The following PALMD variants were observed in gnomAD, a reference collection of about 807,000 sequenced individuals.
PALMD encodes paralemmin-like protein.
PALMD carries 42 observed loss-of-function variants against 56.2 expected under a neutral mutation model. The ratio of observed to expected loss-of-function variants is 0.75; its 90% CI spans 0.58 to 0.97. The LOEUF (loss-of-function observed/expected upper bound fraction) is 0.97, where lower values mean the gene tolerates loss of function less well. Ranked by LOEUF, PALMD falls within the 50% of genes least tolerant of loss-of-function variation. PALMD has a pLI of 0.00. For synonymous variants in PALMD, 242 were observed against 222.9 expected, an observed-to-expected ratio of 1.09 and a Z score of -0.76; for missense variants, 660 against 643.8, an observed-to-expected ratio of 1.03 and a Z score of -0.27.
chr1:99,688,172 G>T (rs1207991977), intron 6 of PALMD, among the ~76,000 whole-genome samples: 1 of 151,922 alleles, frequency 6.6e-6, no homozygotes, highest in Non-Finnish European at 1.5e-5. Context: ...AGAAACATAA[G>T]GCAGAAAGAG....
At chr1:99,675,308 C>T (rs1342806844) in intron 3 of PALMD, among the ~76,000 whole-genome samples, 1 of 152,190 alleles carries the variant, frequency 6.6e-6, no homozygotes, top group Non-Finnish European at 1.5e-5. Context: ...TCACTATCTA[C>T]ATCATTGAAT....
chr1:99,651,885 T>C (rs935622432), intron 1 of PALMD, among the ~76,000 whole-genome samples: 2 of 152,218 alleles, frequency 1.3e-5, no homozygotes, highest in African/African-American at 4.8e-5. Flanking sequence ...GCATCAAGTT[T>C]TCAATCTATT....
At position 99,689,041 on chromosome 1, in the gene PALMD, G is replaced by T; in HGVS notation, c.781G>T (p.Val261Leu). 6.2e-7 allele frequency: 1 copy of T among 1,613,770 alleles called. No individual in the cohort carries two copies. The highest frequency in any genetic ancestry group is 8.5e-7 in the Non-Finnish European group (1 of 1,179,848). ...ATCCCCAACAGAGTATCATGAGCCTGTATATGCCAATCCCTTTTACAGGCC... is the reference window on the plus strand; with the variant it reads ...ATCCCCAACAGAGTATCATGAGCCTTTATATGCCAATCCCTTTTACAGGCC... ...SKSPTEYHEP[V>L]YANPFYRPTT... Residue 261 changes from valine to leucine, a missense_variant, in exon 7 of 8, where the codon GTA (valine) becomes TTA (leucine). Coordinates refer to ENST00000263174, the MANE Select transcript of PALMD (RefSeq NM_017734.5).
chr1:99,671,455 AG>A (rs1441920415), intron 3 of PALMD, among the ~76,000 whole-genome samples: 1 of 152,220 alleles, frequency 6.6e-6, no homozygotes, highest in Non-Finnish European at 1.5e-5. Context: ...GTGAATACAG[AG>A]TGCCTGACAC....
At chr1:99,688,708 A>G (rs1653583284) in intron 6 of PALMD, 67 bp from the exon 7 acceptor site, 1 of 992,702 alleles carries the variant, frequency 1.0e-6, no homozygotes, top group Non-Finnish European at 1.5e-6. Context: ...AAATAAACAC[A>G]GTGAAAGCAG....
chr1:99,660,666 G>A (rs781500701), intron 1 of PALMD, among the ~76,000 whole-genome samples: 14 of 151,592 alleles, frequency 9.2e-5, no homozygotes, highest in South Asian at 4.2e-4. Context: ...AAATACTTAC[G>A]AAATTTTAAA....
At chr1:99,647,558 A>G (rs1652467740) in intron 1 of PALMD, among the ~76,000 whole-genome samples, 1 of 152,212 alleles carries the variant, frequency 6.6e-6, no homozygotes, top group Non-Finnish European at 1.5e-5. Flanking sequence ...TCCTCTCTTC[A>G]GAAAACCTTG....
chr1:99,656,418 G>T (rs1652726973), intron 1 of PALMD, among the ~76,000 whole-genome samples: 2 of 151,876 alleles, frequency 1.3e-5, no homozygotes, highest in African/African-American at 4.8e-5. Context: ...CTGCATTGTT[G>T]GTAGTACTTA....
chr1:99,675,085 T>C (rs1046290315), intron 3 of PALMD, among the ~76,000 whole-genome samples: 6 of 143,308 alleles, frequency 4.2e-5, no homozygotes, highest in Non-Finnish European at 8.9e-5. Context: ...GGTTATTCTA[T>C]GTTTTATTAG....
chr1:99,647,842 G>GA (rs1207521572), intron 1 of PALMD, among the ~76,000 whole-genome samples: 5 of 152,152 alleles, frequency 3.3e-5, no homozygotes, highest in Admixed American at 3.3e-4. Context: ...TCAGTTGGGG[G>GA]ACACCCTCGC....
rs185736605 is a variant in PALMD, at chr1:99,667,036, G to A, written c.127-606G>A. Among the ~76,000 whole-genome samples the A allele has an allele frequency of 5.0e-3, 766 of 152,258 alleles. 7 individuals carry two copies. Among genetic ancestry groups the A allele is most frequent in the African/African-American group, 0.016 (668 of 41,570 alleles). Reference sequence around the variant, plus strand: ...CAGGGAGATTCTGAGAAGAAAGAAGGGGAGCTAAGTAGGCAAAACAATAAA... The same window carrying A: ...CAGGGAGATTCTGAGAAGAAAGAAGAGGAGCTAAGTAGGCAAAACAATAAA... On this transcript the variant is annotated intron_variant, in intron 2 of 7. Coordinates refer to ENST00000263174, the MANE Select transcript of PALMD (RefSeq NM_017734.5).
chr1:99,649,622 C>T (rs1177500139), intron 1 of PALMD, among the ~76,000 whole-genome samples: 1 of 152,168 alleles, frequency 6.6e-6, no homozygotes, highest in Non-Finnish European at 1.5e-5. Context: ...CAAAGATTCC[C>T]TTAGGATGAG....
intron 3 of PALMD, among the ~76,000 whole-genome samples, chr1:99,670,409 G>T (rs774282792): frequency 6.6e-6 from 1 of 152,146 alleles, no homozygotes. Flanking sequence ...GAAAGAAAGT[G>T]CCAACACCTC....
chr1:99,653,255 G>A (rs184964900), intron 1 of PALMD, among the ~76,000 whole-genome samples: 1 of 152,294 alleles, frequency 6.6e-6, no homozygotes, highest in Non-Finnish European at 1.5e-5. Context: ...GCTACTGATT[G>A]GCTGGCCTGC....
At chr1:99,654,453 C>A (rs834986) in intron 1 of PALMD, among the ~76,000 whole-genome samples, 104,662 of 151,852 alleles carry the variant, frequency 0.69, 36,762 homozygotes, top group African/African-American at 0.82. Context: ...GTATTTATGC[C>A]ACAAAACTCT....
chr1:99,680,909 G>T (rs1653326420), intron 3 of PALMD, among the ~76,000 whole-genome samples: 1 of 151,766 alleles, frequency 6.6e-6, no homozygotes. Context: ...GCATTTATGT[G>T]CTGTCCTTTT....
chr1:99,690,145 G>A (rs1557676270), intron 7 of PALMD: 1 of 447,790 alleles, frequency 2.2e-6, no homozygotes, highest in Non-Finnish European at 3.9e-6. Flanking sequence ...ATGGTATGGT[G>A]CTGCTTGTGA....
intron 3 of PALMD, among the ~76,000 whole-genome samples, chr1:99,679,352 A>G (rs979171377): frequency 5.3e-5 from 8 of 152,298 alleles, no homozygotes; most frequent in Admixed American, 5.2e-4. Flanking sequence ...GTGGAAGCAA[A>G]GAAAGTCTTG....
Position 99,689,628 on chromosome 1 carries a change from A to C in PALMD, c.1368A>C (p.Gly456=), listed in dbSNP as rs567819975. The part of the protein sequence containing the change: ...VIDDEEEEDE[G]EAEKPSYHPI... ...ATGATGAGGAGGAGGAGGATGAAGG[A>C]GAAGCAGAGAAACCGTCCTACCACC... The change falls in exon 7 of 8, where the codon GGA becomes GGC. Residue 456 remains glycine, a synonymous_variant. Coordinates refer to ENST00000263174, the MANE Select transcript of PALMD (RefSeq NM_017734.5). 6.8e-6 allele frequency: 11 copies of C among 1,613,816 alleles called. No homozygotes were observed. Among genetic ancestry groups the C allele is most frequent in the Middle Eastern group, 1.7e-4 (1 of 6,058 alleles).
Sources: gnomAD v4.1 joint callset for allele counts (sites outside exome capture counted in the v4.1 genomes callset) on GRCh38, gnomAD v4.1.1 for gene constraint, MANE v1.5 for transcripts, NCBI Gene and HGNC (gene_info 2026-07-23, HGNC 2026-07-21) for gene names.